Variants in ITGAL observed in about 807,000 individuals in gnomAD.
ITGAL encodes the protein integrin subunit alpha L, also known as integrin alpha-L.
Under a neutral mutation model 138.4 loss-of-function variants are expected in ITGAL, and 68 were observed. The observed-to-expected ratio is 0.49, with a 90% CI of 0.40 to 0.60. The LOEUF is 0.60. Ranked by LOEUF, ITGAL falls within the 20% of genes least tolerant of loss-of-function variation. The pLI is 0.00. For synonymous variants in ITGAL, 561 were observed against 584.3 expected (o/e 0.96, Z 0.57); for missense variants, 1,256 against 1,478.6 (o/e 0.85, Z 2.47).
chr16:30,506,590 AAAAAG>A, intron 20 of ITGAL, 120 bp from the exon 21 acceptor site: 1 of 434,122 alleles, frequency 2.3e-6, no homozygotes, highest in Non-Finnish European at 4.0e-6. Context: ...AAAAAAAAAA[AAAAAG>A]ACTGAGCATA....
chr16:30,504,149 A>G, intron 17 of ITGAL, 26 bp from the exon 18 acceptor site: 1 of 1,539,676 alleles, frequency 6.5e-7, no homozygotes, highest in Non-Finnish European at 9.0e-7. Flanking sequence ...GATTCATGAC[A>G]TAGGCTGTAT....
At chr16:30,518,552 G>A in intron 28 of ITGAL, 72 bp from the exon 29 acceptor site, 1 of 1,000,354 alleles carries the variant, frequency 1.0e-6, no homozygotes, top group Admixed American at 1.7e-5. Context: ...CCACTGTGTT[G>A]TGGTGGGGGC....
intron 15 of ITGAL, 23 bp from the exon 16 acceptor site, chr16:30,499,051 G>A: frequency 2.5e-6 from 4 of 1,610,320 alleles, no homozygotes; most frequent in Non-Finnish European, 2.5e-6. Flanking sequence ...GAGGGAGAGA[G>A]TTGGTTGCCT....
intron 24 of ITGAL, 77 bp from the exon 25 acceptor site, chr16:30,513,694 G>T (rs2051123754): frequency 7.6e-6 from 8 of 1,053,386 alleles, no homozygotes; most frequent in Non-Finnish European, 1.2e-5. Flanking sequence ...TAGCACAGTG[G>T]CTGGGCGCTC....
intron 15 of ITGAL, among the ~76,000 whole-genome samples, chr16:30,498,143 G>A (rs2050830980): frequency 6.6e-6 from 1 of 150,976 alleles, no homozygotes; most frequent in Non-Finnish European, 1.5e-5. Flanking sequence ...TGGCCAACCT[G>A]TTGAAACCCC....
At chr16:30,483,684 C>T in intron 7 of ITGAL, 143 bp from the exon 8 acceptor site, 1 of 835,722 alleles carries the variant, frequency 1.2e-6, no homozygotes, top group Non-Finnish European at 1.8e-6. Flanking sequence ...GAGGTGACTG[C>T]TGCAGGCTTG....
intron 9 of ITGAL, 123 bp from the exon 10 acceptor site, chr16:30,488,959 T>TC: frequency 1.2e-6 from 1 of 800,684 alleles, no homozygotes; most frequent in Non-Finnish European, 2.2e-6. Flanking sequence ...TGCCTGACCC[T>TC]CACATGCATG....
At chr16:30,498,702 C>A in intron 15 of ITGAL, 1 of 165,582 alleles carries the variant, frequency 6.0e-6, no homozygotes, top group South Asian at 1.7e-4. Context: ...AGTTCAAGAC[C>A]ACCCTGGACA....
chr16:30,490,327 G>C (rs1409080977), intron 11 of ITGAL, among the ~76,000 whole-genome samples: 1 of 150,730 alleles, frequency 6.6e-6, no homozygotes, highest in Non-Finnish European at 1.5e-5. Flanking sequence ...ACAATAAGCC[G>C]ATAGTTCCTC....
chr16:30,474,879 G>A (rs1201398082), intron 2 of ITGAL, among the ~76,000 whole-genome samples: 1 of 135,518 alleles, frequency 7.4e-6, no homozygotes, highest in Non-Finnish European at 1.6e-5. Flanking sequence ...TTTTTTGAGA[G>A]GGAGTTTTCG....
At chr16:30,490,238 A>C (rs866163424) in intron 11 of ITGAL, among the ~76,000 whole-genome samples, 1,530 of 151,200 alleles carry the variant, frequency 0.01, 37 homozygotes, top group African/African-American at 0.035. Flanking sequence ...AAAAAAAAAA[A>C]AAAAAAAAAG....
rs868210831 is a variant in ITGAL, at chr16:30,475,467, C to T, written c.260-46C>T. The T allele has an allele frequency of 9.4e-6, 15 of 1,601,252 alleles. No individual in the cohort carries two copies. The Middle Eastern group carries it at 8.3e-4, about 88-fold the overall frequency. On this transcript the variant is annotated intron_variant, in intron 3 of 30. Transcript: ENST00000356798. ...GGAAACTGAGGCTGGCCCCAGCCCA[C>T]CTAGACTGCCTGAGCTCCTCCAGAC...
intron 9 of ITGAL, 58 bp downstream of exon 9, chr16:30,484,321 A>G: frequency 1.3e-6 from 2 of 1,559,534 alleles, no homozygotes; most frequent in South Asian, 2.3e-5. Flanking sequence ...TTCCCCTGGG[A>G]CATCAGGCCG....
chr16:30,495,115 C>T (rs947464679), intron 13 of ITGAL, among the ~76,000 whole-genome samples: 1 of 152,180 alleles, frequency 6.6e-6, no homozygotes, highest in East Asian at 1.9e-4. Flanking sequence ...ACCTCCACCT[C>T]CCAGGTTCAA....
At chr16:30,486,669 A>T (rs926901264) in intron 9 of ITGAL, among the ~76,000 whole-genome samples, 10 of 152,130 alleles carry the variant, frequency 6.6e-5, no homozygotes, top group Admixed American at 2.6e-4. Context: ...AAATGGAAAA[A>T]GTTCAGTGTG....
At chr16:30,474,117 G>C (rs1254306197) in intron 1 of ITGAL, 79 bp from the exon 2 acceptor site, 7 of 1,067,914 alleles carry the variant, frequency 6.6e-6, no homozygotes, top group Non-Finnish European at 8.4e-6. Context: ...ATCCGGGTGG[G>C]CCTGGGATCG....
At chr16:30,514,749 G>A (rs1054056509) in intron 25 of ITGAL, among the ~76,000 whole-genome samples, 1 of 151,936 alleles carries the variant, frequency 6.6e-6, no homozygotes, top group Non-Finnish European at 1.5e-5. Context: ...ATTTAGCTAG[G>A]TGCTGGCATC....
intron 17 of ITGAL, 37 bp from the exon 18 acceptor site, chr16:30,504,138 A>G (rs1207276188): frequency 6.7e-7 from 1 of 1,488,894 alleles, no homozygotes; most frequent in African/African-American, 1.4e-5. Context: ...GGTAAAAGTT[A>G]GATTCATGAC....
intron 24 of ITGAL, among the ~76,000 whole-genome samples, chr16:30,512,156 G>A (rs2051099812): frequency 6.6e-6 from 1 of 152,160 alleles, no homozygotes; most frequent in Non-Finnish European, 1.5e-5. Context: ...AGCTGTTTTT[G>A]CATGTTATCT....
Sources: allele counts gnomAD v4.1 joint callset (sites outside exome capture counted in the v4.1 genomes callset), GRCh38; gene constraint gnomAD v4.1.1; transcripts MANE v1.5; gene names NCBI Gene and HGNC (gene_info 2026-07-23, HGNC 2026-07-21).